RNF145: variants seen among roughly 807,000 people sequenced by gnomAD.
The protein encoded by RNF145 is ring finger protein 145.
Under a neutral mutation model 57.3 loss-of-function variants are expected in RNF145, and 12 were observed. The observed-to-expected ratio is 0.21, with a 90% confidence interval of 0.13 to 0.34. The LOEUF is 0.34. Among genes scored for constraint, RNF145 ranks in the 10% least tolerant of loss-of-function variants. The pLI, the probability that RNF145 is intolerant of heterozygous loss-of-function variation, is 1.00. For synonymous variants in RNF145, 262 were observed against 288.3 expected (o/e 0.91, Z 0.92); for missense variants, 429 against 799.0 (o/e 0.54, Z 5.58).
intron 3 of RNF145, among the ~76,000 whole-genome samples, chr5:159,183,603 CATAT>C (rs1784965176): frequency 6.6e-6 from 1 of 151,860 alleles, no homozygotes; most frequent in Non-Finnish European, 1.5e-5. Context: ...GAACAAAATG[CATAT>C]ATAAATAGTA....
chr5:159,170,474 T>G (rs1000676938), intron 6 of RNF145, among the ~76,000 whole-genome samples: 12 of 152,184 alleles, frequency 7.9e-5, no homozygotes, highest in African/African-American at 2.9e-4. Context: ...CTGGAAGACA[T>G]TACACTAGAA....
intron 9 of RNF145, 100 bp from the exon 10 acceptor site, chr5:159,161,722 G>A (rs1266504431): frequency 5.6e-6 from 4 of 720,262 alleles, no homozygotes; most frequent in Non-Finnish European, 9.4e-6. Context: ...TTTTTAGGGT[G>A]CAATATTTCA....
At chr5:159,187,557 G>T (rs559225826) in intron 3 of RNF145, among the ~76,000 whole-genome samples, 31 of 152,112 alleles carry the variant, frequency 2.0e-4, no homozygotes, top group Admixed American at 1.3e-3. Flanking sequence ...TCGAATGCCT[G>T]ACCTTGTGAT....
At chr5:159,207,944 TTGGGCA>T (rs761777872) in intron 1 of RNF145, 1 of 1,605,026 alleles carries the variant, frequency 6.2e-7, no homozygotes, top group East Asian at 2.2e-5. Flanking sequence ...GCTCATTCTT[TTGGGCA>T]TGATTCAAGA....
intron 2 of RNF145, 50 bp downstream of exon 2, chr5:159,203,384 T>C: frequency 3.1e-6 from 4 of 1,280,862 alleles, no homozygotes; most frequent in Non-Finnish European, 2.3e-6. Context: ...TACTAAGACA[T>C]AAATCAGAAT....
At chr5:159,177,304 C>T (rs1373344391) in intron 4 of RNF145, among the ~76,000 whole-genome samples, 1 of 152,048 alleles carries the variant, frequency 6.6e-6, no homozygotes, top group Non-Finnish European at 1.5e-5. Context: ...CATACTGCAA[C>T]AATATTTGTT....
intron 3 of RNF145, among the ~76,000 whole-genome samples, chr5:159,190,854 T>G (rs771455192): frequency 4.6e-4 from 70 of 152,252 alleles, no homozygotes; most frequent in Admixed American, 9.2e-4. Flanking sequence ...AGCACATCTT[T>G]ACTAGCCTTT....
At position 159,158,637 on chromosome 5, in the gene RNF145, G is replaced by A. The variant is rs762254636; in HGVS notation, c.*33C>T. 1 of 1,592,020 alleles carries A rather than the reference G, an allele frequency of 6.3e-7. No individual in the cohort carries two copies. The highest frequency in any genetic ancestry group is 8.6e-7 in the Non-Finnish European group (1 of 1,166,808). ...CCATCTTGAGTTAACTTCTCCTCCA[G>A]AGTATCAAAGCATCATTCCTGCTGC... On this transcript the variant is annotated 3_prime_UTR_variant, in exon 11 of 11. Coordinates refer to ENST00000424310, the MANE Select transcript of RNF145 (RefSeq NM_001199383.2).
chr5:159,200,760 TC>T (rs1425197819), intron 2 of RNF145, among the ~76,000 whole-genome samples: 1 of 152,112 alleles, frequency 6.6e-6, no homozygotes, highest in Non-Finnish European at 1.5e-5. Context: ...TATACCAAAT[TC>T]CCACAAATTG....
intron 8 of RNF145, among the ~76,000 whole-genome samples, chr5:159,165,330 GGTTTT>G (rs1257903638): frequency 6.6e-6 from 1 of 151,488 alleles, no homozygotes; most frequent in Non-Finnish European, 1.5e-5. Context: ...TTTATAGTTT[GGTTTT>G]ATCTATATGT....
rs1784109022 is a variant in RNF145 at position 159,158,398 on chromosome 5, T to C, written c.*272A>G. ...ACGTATCAGGGGCAGTTTCTGAAGT[T>C]GCTGAGGTTGAATTTTCTTCACAAA... is the stretch of plus-strand genomic sequence containing the variant. On this transcript the variant is annotated 3_prime_UTR_variant, in exon 11 of 11. Coordinates refer to ENST00000424310, the MANE Select transcript of RNF145 (RefSeq NM_001199383.2). 1 of 391,212 alleles carries C rather than the reference T, an allele frequency of 2.6e-6. No homozygotes were observed. The highest frequency in any genetic ancestry group is 4.0e-5 in the South Asian group (1 of 25,302). The allele number at this position is 391,212 out of a possible 1,614,324, so 24.2% of individuals were successfully genotyped here.
chr5:159,193,728 T>A (rs944579221), intron 3 of RNF145, among the ~76,000 whole-genome samples: 2 of 152,208 alleles, frequency 1.3e-5, no homozygotes, highest in Non-Finnish European at 2.9e-5. Flanking sequence ...AAGTTAATGT[T>A]TTTAAAAACT....
At chr5:159,170,614 G>A (rs1784519955) in intron 6 of RNF145, among the ~76,000 whole-genome samples, 1 of 152,096 alleles carries the variant, frequency 6.6e-6, no homozygotes, top group African/African-American at 2.4e-5. Flanking sequence ...ATATTTATTT[G>A]AGACAGGGTC....
At chr5:159,163,402 G>A (rs770756913) in intron 8 of RNF145, among the ~76,000 whole-genome samples, 1 of 152,140 alleles carries the variant, frequency 6.6e-6, no homozygotes, top group Non-Finnish European at 1.5e-5. Context: ...AATTTTTCCT[G>A]GTTAAGACAG....
rs760365217 is a variant in RNF145, at chr5:159,174,003, A to C, written c.777T>G (p.Leu259=). The change falls in exon 6 of 11, where the codon CTT becomes CTG. Residue 259 remains leucine (L), a synonymous_variant. Coordinates refer to ENST00000424310, the MANE Select transcript of RNF145 (RefSeq NM_001199383.2). ...ATTACCTTGTCAGAAAAAGGAAAAG[A>C]AGCCTCTCACGTGATGCAGGCTGAT... ...TRDQPASRER[L]LFLFLTSIAE... 11 of 1,606,520 alleles carry C rather than the reference A, an allele frequency of 6.8e-6. No individual in the cohort carries two copies. The highest frequency in any genetic ancestry group is 4.0e-5 in the African/African-American group (3 of 74,174).
In RNF145 at chr5:159,209,498, C is replaced by CGG. The variant is rs1554148160; in HGVS notation, c.-308_-307insCC. The CGG allele has an allele frequency of 1.5e-5, 5 of 339,950 alleles. No homozygotes were observed. Among genetic ancestry groups the CGG allele is most frequent in the Admixed American group, 7.2e-4 (1 of 1,384 alleles). 21.1% of individuals were successfully genotyped at this position (339,950 alleles called of 1,614,324 possible). On this transcript the variant is annotated 5_prime_UTR_variant, in exon 1 of 11. An upstream open reading frame in the 5' UTR loses its in-frame stop. Transcript: ENST00000424310. Reference sequence around the variant, plus strand: ...GGGCCGAGCCCCTTAGCAGCCGGCGCCGGCGTCGGCGGCCATGGCCTCCTG... The same window carrying CGG: ...GGGCCGAGCCCCTTAGCAGCCGGCGCGGCGGCGTCGGCGGCCATGGCCTCCTG...
In RNF145 at chr5:159,168,901, C is replaced by T; in HGVS notation, c.1093G>A (p.Val365Ile). 1 of 1,576,588 alleles carries T rather than the reference C, an allele frequency of 6.3e-7. No individual in the cohort carries two copies. The highest frequency in any genetic ancestry group is 2.3e-5 in the East Asian group (1 of 43,534). Residue 365 changes from valine to isoleucine, a missense_variant, in exon 8 of 11, where the codon GTT becomes ATT. Transcript: ENST00000424310. Reference sequence around the variant, plus strand: ...TCTCTAGATGCTCCCAGTGCCAAAACAATAGGATCTGCAATTTCTAACATA... The same window carrying T: ...TCTCTAGATGCTCCCAGTGCCAAAATAATAGGATCTGCAATTTCTAACATA... The part of the protein sequence containing the change: ...QSMLEIADPI[V>I]LALGASRDKS...
At chr5:159,161,084 C>G (rs1784200876) in intron 10 of RNF145, 182 bp downstream of exon 10, 1 of 533,380 alleles carries the variant, frequency 1.9e-6, no homozygotes, top group Admixed American at 3.6e-5. Context: ...AAATTTAAAA[C>G]TTAATTTAGA....
Position 159,168,947 on chromosome 5 carries a change from G to T in RNF145, c.1047C>A (p.Val349=). 1 of 1,609,042 alleles carries T rather than the reference G, an allele frequency of 6.2e-7. No individual in the cohort carries two copies. ...AFLLSIILFI[V]VASILQSMLE... The stretch of plus-strand genomic sequence containing the variant: ...ACATAGACTGTAGGATAGAAGCTAC[G>T]ACAATGAAAAGGATAATACTGAGCA... The change falls in exon 8 of 11, where the codon GTC becomes GTA. Residue 349 remains valine, a synonymous_variant. Coordinates refer to ENST00000424310, the MANE Select transcript of RNF145 (RefSeq NM_001199383.2).
Sources: allele counts gnomAD v4.1 joint callset (sites outside exome capture counted in the v4.1 genomes callset), GRCh38; gene constraint gnomAD v4.1.1; transcripts MANE v1.5; gene names NCBI Gene and HGNC (gene_info 2026-07-23, HGNC 2026-07-21).